LPP: variants seen among roughly 807,000 people sequenced by gnomAD.
LPP encodes lipoma-preferred partner.
Under a neutral mutation model 60.4 loss-of-function variants are expected in LPP, and 38 were observed. The ratio of observed to expected loss-of-function variants is 0.63; its 90% confidence interval spans 0.49 to 0.83. LPP has a LOEUF of 0.83. Among genes scored for constraint, LPP ranks in the 40% least tolerant of loss-of-function variants. The pLI, the probability that LPP is intolerant of heterozygous loss-of-function variation, is 0.00. For missense variants in LPP, 902 were observed against 783.6 expected (o/e 1.15, Z -1.80); for synonymous variants, 328 against 290.8 (o/e 1.13, Z -1.30).
At chr3:188,526,437 G>A (rs991488104) in intron 6 of LPP, among the ~76,000 whole-genome samples, 2 of 152,040 alleles carry the variant, frequency 1.3e-5, no homozygotes, top group Non-Finnish European at 2.9e-5. Context: ...GATTCCAGGT[G>A]CCTGCCACCA....
At chr3:188,800,467 C>A (rs13073813) in intron 9 of LPP, among the ~76,000 whole-genome samples, 19 of 151,728 alleles carry the variant, frequency 1.3e-4, no homozygotes, top group East Asian at 3.9e-4. Flanking sequence ...GGATGGTCTC[C>A]ATCTCCTGAC....
chr3:188,743,134 T>G (rs1423890716), intron 8 of LPP, among the ~76,000 whole-genome samples: 2 of 152,190 alleles, frequency 1.3e-5, no homozygotes, highest in Admixed American at 1.3e-4. Flanking sequence ...TTACCTGCTT[T>G]TTCTGAGGGA....
At chr3:188,578,293 T>C (rs1270984090) in intron 6 of LPP, among the ~76,000 whole-genome samples, 1 of 152,046 alleles carries the variant, frequency 6.6e-6, no homozygotes, top group African/African-American at 2.4e-5. Flanking sequence ...TTTTTTCTTT[T>C]AAGGTTCATA....
At chr3:188,436,388 A>G (rs1792306804) in intron 4 of LPP, among the ~76,000 whole-genome samples, 1 of 152,234 alleles carries the variant, frequency 6.6e-6, no homozygotes, top group Non-Finnish European at 1.5e-5. Context: ...TGTCAACATC[A>G]GAATCAGATC....
At chr3:188,839,821 T>G (rs1168906778) in intron 9 of LPP, among the ~76,000 whole-genome samples, 2 of 152,088 alleles carry the variant, frequency 1.3e-5, no homozygotes, top group East Asian at 3.9e-4. Flanking sequence ...GAGGTTGCAG[T>G]GAGCCGAGAT....
chr3:188,275,872 C>T (rs1257962703), intron 2 of LPP, among the ~76,000 whole-genome samples: 1 of 152,084 alleles, frequency 6.6e-6, no homozygotes, highest in African/African-American at 2.4e-5. Flanking sequence ...CATGGGGTTT[C>T]ACCATATTGT....
intron 6 of LPP, among the ~76,000 whole-genome samples, chr3:188,527,218 C>T (rs751564915): frequency 4.6e-5 from 7 of 151,980 alleles, no homozygotes; most frequent in Non-Finnish European, 4.4e-5. Flanking sequence ...TGCGTGGTGG[C>T]GCCCGCCTGT....
chr3:188,406,056 G>T, intron 3 of LPP, 56 bp from the exon 4 acceptor site: 2 of 1,417,996 alleles, frequency 1.4e-6, no homozygotes, highest in Non-Finnish European at 2.0e-6. Flanking sequence ...ATGAAATGAG[G>T]AGTATTGTCT....
At chr3:188,773,718 A>C (rs935014247) in intron 9 of LPP, among the ~76,000 whole-genome samples, 1 of 152,218 alleles carries the variant, frequency 6.6e-6, no homozygotes, top group Non-Finnish European at 1.5e-5. Context: ...CTATAATTTT[A>C]TGCTAGTTTA....
At chr3:188,534,796 G>T (rs964046970) in intron 6 of LPP, among the ~76,000 whole-genome samples, 3 of 152,150 alleles carry the variant, frequency 2.0e-5, no homozygotes, top group African/African-American at 7.2e-5. Context: ...TAGACAGAAG[G>T]TTGGAGGTGG....
At chr3:188,431,288 T>C (rs1201974417) in intron 4 of LPP, among the ~76,000 whole-genome samples, 1 of 152,100 alleles carries the variant, frequency 6.6e-6, no homozygotes, top group Non-Finnish European at 1.5e-5. Flanking sequence ...GGGCATTTTT[T>C]TCAGAAGTAG....
chr3:188,822,590 A>G (rs974005631), intron 9 of LPP, among the ~76,000 whole-genome samples: 1 of 152,194 alleles, frequency 6.6e-6, no homozygotes, highest in African/African-American at 2.4e-5. Context: ...AGTCTTTCTC[A>G]CTGTGATGCC....
chr3:188,511,421 A>T (rs1327339503), intron 5 of LPP, among the ~76,000 whole-genome samples: 1 of 150,916 alleles, frequency 6.6e-6, no homozygotes, highest in East Asian at 2.0e-4. Context: ...AACCTATCCT[A>T]AATGGAGAAG....
At chr3:188,799,930 A>T (rs1401501916) in intron 9 of LPP, among the ~76,000 whole-genome samples, 1 of 152,192 alleles carries the variant, frequency 6.6e-6, no homozygotes, top group Non-Finnish European at 1.5e-5. Context: ...AGCAGTTGGC[A>T]TATTTCCTTC....
chr3:188,745,166 A>T (rs932322056), intron 8 of LPP, among the ~76,000 whole-genome samples: 5 of 152,120 alleles, frequency 3.3e-5, no homozygotes, highest in Non-Finnish European at 5.9e-5. Flanking sequence ...GTTCTCTAAC[A>T]GCCTTCATTT....
At chr3:188,458,466 G>T (rs947236327) in intron 4 of LPP, among the ~76,000 whole-genome samples, 1 of 152,146 alleles carries the variant, frequency 6.6e-6, no homozygotes, top group Non-Finnish European at 1.5e-5. Context: ...TTTTAAAAAT[G>T]TATGCTTTTC....
At chr3:188,388,591 A>G (rs4686955) in intron 3 of LPP, among the ~76,000 whole-genome samples, 51,696 of 152,028 alleles carry the variant, frequency 0.34, 10,543 homozygotes, top group Middle Eastern at 0.61. Context: ...CCACCTTGCT[A>G]CATTCCGAAA....
At chr3:188,658,748 G>A (rs967824536) in intron 7 of LPP, among the ~76,000 whole-genome samples, 2 of 152,164 alleles carry the variant, frequency 1.3e-5, no homozygotes, top group African/African-American at 2.4e-5. Context: ...TTGAGAAAAG[G>A]GACTTTCACT....
At chr3:188,798,255 A>C (rs1391719558) in intron 9 of LPP, among the ~76,000 whole-genome samples, 1 of 152,210 alleles carries the variant, frequency 6.6e-6, no homozygotes, top group African/African-American at 2.4e-5. Flanking sequence ...TAGATTTACT[A>C]ATTAGTTCAA....
Sources: allele counts gnomAD v4.1 joint callset (sites outside exome capture counted in the v4.1 genomes callset), GRCh38; gene constraint gnomAD v4.1.1; transcripts MANE v1.5; gene names NCBI Gene and HGNC (gene_info 2026-07-23, HGNC 2026-07-21).